The following PPP4R1 variants were observed in gnomAD, a reference collection of about 807,000 sequenced individuals.
The protein encoded by PPP4R1 is protein phosphatase 4 regulatory subunit 1.
Under a neutral mutation model 111.2 loss-of-function variants are expected in PPP4R1, and 42 were observed. That is an observed-to-expected ratio of 0.38 (90% CI 0.29 to 0.49). The LOEUF (loss-of-function observed/expected upper bound fraction) is 0.49. PPP4R1 is among the 20% of genes least tolerant of loss of function. The probability of loss-of-function intolerance (pLI) is 0.97; values close to 1 mark genes in which losing one functional copy is unlikely to be tolerated. For missense variants in PPP4R1, 1,012 were observed against 1,161.6 expected (o/e 0.87, Z 1.87); for synonymous variants, 409 against 405.5 (o/e 1.01, Z -0.10).
chr18:9,593,938 A>C, intron 3 of PPP4R1, 64 bp from the exon 4 acceptor site: 2 of 1,333,924 alleles, frequency 1.5e-6, no homozygotes, highest in Non-Finnish European at 2.1e-6. Flanking sequence ...CAGAATTTTA[A>C]TTTTTTGAGA....
chr18:9,578,458 T>C (rs2066973458), intron 9 of PPP4R1, among the ~76,000 whole-genome samples: 1 of 152,002 alleles, frequency 6.6e-6, no homozygotes, highest in Non-Finnish European at 1.5e-5. Flanking sequence ...AGACTGGTCT[T>C]GAACTCCTAG....
At chr18:9,594,038 C>G (rs1300999013) in intron 3 of PPP4R1, 164 bp from the exon 4 acceptor site, 1 of 565,090 alleles carries the variant, frequency 1.8e-6, no homozygotes, top group East Asian at 3.1e-5. Context: ...GGTAATCCTC[C>G]CACCTCAGCC....
chr18:9,563,272 C>T (rs1033369517), intron 12 of PPP4R1, 106 bp downstream of exon 12: 1 of 1,336,200 alleles, frequency 7.5e-7, no homozygotes, highest in Non-Finnish European at 1.0e-6. Flanking sequence ...AAATCAGCAA[C>T]AAACAGAACA....
At chr18:9,553,301 T>C in intron 16 of PPP4R1, 21 bp downstream of exon 16, 1 of 1,517,868 alleles carries the variant, frequency 6.6e-7, no homozygotes. Context: ...AAACATAATC[T>C]AATAAACTGT....
Position 9,604,060 on chromosome 18 carries a change from G to A in PPP4R1, c.53-8907C>T, listed in dbSNP as rs185934701. ...TAGTATTTAGTCCATTTTAAAAAGT[G>A]ATACAACTCTATGTTTAAAACACTG... On this transcript the variant is annotated intron_variant, in intron 2 of 19. Coordinates refer to ENST00000400556, the MANE Select transcript of PPP4R1 (RefSeq NM_001042388.3). Among the ~76,000 whole-genome samples, 50 of 152,216 alleles carry A rather than the reference G, an allele frequency of 3.3e-4. 2 individuals are homozygous for A. Among genetic ancestry groups the A allele is most frequent in the East Asian group, 3.1e-3 (16 of 5,180 alleles).
At chr18:9,563,050 C>A in intron 12 of PPP4R1, 1 of 1,035,694 alleles carries the variant, frequency 9.7e-7, no homozygotes, top group Non-Finnish European at 1.2e-6. Flanking sequence ...AGCACCTCTC[C>A]AAAAAGAAAA....
At chr18:9,604,260 A>C (rs1010260911) in intron 2 of PPP4R1, among the ~76,000 whole-genome samples, 1 of 152,146 alleles carries the variant, frequency 6.6e-6, no homozygotes, top group Non-Finnish European at 1.5e-5. Context: ...AATTGCCTGG[A>C]TCCATCTACT....
chr18:9,610,437 T>C (rs4329972), intron 2 of PPP4R1, among the ~76,000 whole-genome samples: 2 of 152,212 alleles, frequency 1.3e-5, no homozygotes, highest in African/African-American at 4.8e-5. Context: ...TAAACTTAAA[T>C]ACATATGGTT....
intron 18 of PPP4R1, 34 bp from the exon 19 acceptor site, chr18:9,549,372 T>G (rs767257371): frequency 6.4e-7 from 1 of 1,564,136 alleles, no homozygotes; most frequent in South Asian, 1.1e-5. Flanking sequence ...TAGGCTTCTC[T>G]GTCAATGTAG....
intron 16 of PPP4R1, chr18:9,551,877 C>T (rs2066495070): frequency 1.3e-5 from 2 of 152,392 alleles, no homozygotes; most frequent in Non-Finnish European, 2.9e-5. Flanking sequence ...AGCTGCCACC[C>T]TCAGCAAACG....
chr18:9,564,735 T>TGGGGGG (rs1404643969), intron 11 of PPP4R1, among the ~76,000 whole-genome samples: 28 of 40,200 alleles, frequency 7.0e-4, no homozygotes, highest in South Asian at 2.1e-3. Context: ...TGTGTGTGTG[T>TGGGGGG]GTGGGGGTAT....
At chr18:9,548,826 A>G (rs976398685) in intron 19 of PPP4R1, among the ~76,000 whole-genome samples, 8 of 152,202 alleles carry the variant, frequency 5.3e-5, no homozygotes, top group Non-Finnish European at 1.0e-4. Context: ...GCTGAGGCAG[A>G]AGAATTGCTT....
intron 12 of PPP4R1, among the ~76,000 whole-genome samples, chr18:9,562,758 G>C (rs571344637): frequency 1.3e-5 from 2 of 152,276 alleles, no homozygotes; most frequent in African/African-American, 4.8e-5. Flanking sequence ...ATGCGATTCT[G>C]GCAATCGGTG....
chr18:9,556,794 C>G (rs1055457786), intron 15 of PPP4R1, among the ~76,000 whole-genome samples: 3 of 152,138 alleles, frequency 2.0e-5, no homozygotes, highest in Non-Finnish European at 4.4e-5. Flanking sequence ...TTGTTTGTCC[C>G]AACCAGATTG....
intron 2 of PPP4R1, among the ~76,000 whole-genome samples, chr18:9,610,838 T>C (rs1157515755): frequency 6.6e-6 from 1 of 150,986 alleles, no homozygotes; most frequent in Admixed American, 6.6e-5. Context: ...GTTTAAGTTC[T>C]AATGAAACTC....
At position 9,603,534 on chromosome 18, in the gene PPP4R1, G is replaced by A. The variant is rs139049011; in HGVS notation, c.53-8381C>T. On this transcript the variant is annotated intron_variant, in intron 2 of 19. Coordinates refer to ENST00000400556, the MANE Select transcript of PPP4R1 (RefSeq NM_001042388.3). ...TCTTTTTATTTTTTAATTTTTGAGAGAGAGTCTCATGTGATCATGGATCAC... is the reference window on the plus strand; with the variant it reads ...TCTTTTTATTTTTTAATTTTTGAGAAAGAGTCTCATGTGATCATGGATCAC... 1.1e-3 allele frequency among the ~76,000 whole-genome samples: 162 copies of A among 152,200 alleles called. 1 individual carries two copies. The highest frequency in any genetic ancestry group is 3.8e-3 in the African/African-American group (157 of 41,506).
At chr18:9,604,038 T>C (rs142052307) in intron 2 of PPP4R1, among the ~76,000 whole-genome samples, 89 of 152,312 alleles carry the variant, frequency 5.8e-4, no homozygotes, top group African/African-American at 1.6e-3. Flanking sequence ...AGTGCTATAG[T>C]ATTTAGTCCA....
chr18:9,563,143 T>C (rs1247835424), intron 12 of PPP4R1: 2 of 1,193,254 alleles, frequency 1.7e-6, no homozygotes, highest in Non-Finnish European at 2.1e-6. Context: ...ACATTGAGTC[T>C]ACTAAATGGT....
chr18:9,559,688 T>A, intron 13 of PPP4R1, 84 bp from the exon 14 acceptor site: 2 of 1,047,914 alleles, frequency 1.9e-6, no homozygotes, highest in African/African-American at 3.3e-5. Flanking sequence ...AAAATTATTT[T>A]TAAATATATA....
Sources: gnomAD v4.1 joint callset for allele counts (sites outside exome capture counted in the v4.1 genomes callset) on GRCh38, gnomAD v4.1.1 for gene constraint, MANE v1.5 for transcripts, NCBI Gene and HGNC (gene_info 2026-07-23, HGNC 2026-07-21) for gene names.